The following TMTC2 variants were observed in gnomAD, a reference collection of about 807,000 sequenced individuals.
TMTC2 encodes transmembrane O-mannosyltransferase targeting cadherins 2, also known as protein O-mannosyl-transferase TMTC2.
A neutral mutation model predicts 82.4 loss-of-function variants in TMTC2; 43 were observed. The ratio of observed to expected loss-of-function variants is 0.52; its 90% CI spans 0.41 to 0.67. The LOEUF (loss-of-function observed/expected upper bound fraction) is 0.67. Ranked by LOEUF, TMTC2 falls within the 30% of genes least tolerant of loss-of-function variation. The probability of loss-of-function intolerance (pLI) is 0.00; values close to 1 mark genes in which losing one functional copy is unlikely to be tolerated. For synonymous variants in TMTC2, 408 were observed against 381.9 expected (o/e 1.07, Z -0.80); for missense variants, 919 against 1,012.4 (o/e 0.91, Z 1.25).
chr12:82,792,144 C>G (rs1415916978), intron 1 of TMTC2, among the ~76,000 whole-genome samples: 1 of 152,084 alleles, frequency 6.6e-6, no homozygotes, highest in Non-Finnish European at 1.5e-5. Context: ...GATGTGTCCA[C>G]TTTTGCTTGG....
chr12:83,031,317 T>G (rs770555698), intron 9 of TMTC2, among the ~76,000 whole-genome samples: 1 of 152,230 alleles, frequency 6.6e-6, no homozygotes, highest in Non-Finnish European at 1.5e-5. Context: ...AAGATATGGA[T>G]GTACACTAGC....
chr12:82,814,527 A>G (rs1256027386), intron 1 of TMTC2, among the ~76,000 whole-genome samples: 1 of 152,178 alleles, frequency 6.6e-6, no homozygotes. Flanking sequence ...AATGTTGAGC[A>G]TAGTCATCTC....
At chr12:82,801,830 C>T (rs1279598466) in intron 1 of TMTC2, among the ~76,000 whole-genome samples, 1 of 152,164 alleles carries the variant, frequency 6.6e-6, no homozygotes, top group Non-Finnish European at 1.5e-5. Context: ...CATTCACAAA[C>T]CCTGAGCTAG....
chr12:82,807,929 C>G (rs998913023), intron 1 of TMTC2, among the ~76,000 whole-genome samples: 2 of 151,860 alleles, frequency 1.3e-5, no homozygotes, highest in Non-Finnish European at 2.9e-5. Flanking sequence ...TTTGTAGCTA[C>G]CTAAAAATTA....
intron 9 of TMTC2, among the ~76,000 whole-genome samples, chr12:83,036,527 TA>T (rs1233605166): frequency 6.8e-6 from 1 of 147,666 alleles, no homozygotes; most frequent in African/African-American, 2.5e-5. Context: ...GAGGTAGGAA[TA>T]GATCCTAATT....
Position 82,848,674 on chromosome 12 carries a change from T to G in TMTC2, c.84-8336T>G, listed in dbSNP as rs117711723. 3.3e-5 allele frequency among the ~76,000 whole-genome samples: 5 copies of G among 152,258 alleles called. No individual in the cohort carries two copies. The East Asian group carries it at 9.6e-4, about 29-fold the overall frequency. ...TCAATAGAGACAGAAGAGGGAATGTTAAGATCACCTGTGTGCTATTTTCAA... is the reference window on the plus strand; with the variant it reads ...TCAATAGAGACAGAAGAGGGAATGTGAAGATCACCTGTGTGCTATTTTCAA... On this transcript the variant is annotated intron_variant, in intron 1 of 11. Transcript: ENST00000321196.
chr12:82,940,915 T>A (rs1355379510), intron 4 of TMTC2, among the ~76,000 whole-genome samples: 2 of 152,048 alleles, frequency 1.3e-5, no homozygotes, highest in African/African-American at 4.8e-5. Context: ...TGCCTCTTTA[T>A]ATAAAGGAAC....
intron 11 of TMTC2, among the ~76,000 whole-genome samples, chr12:83,089,656 T>C (rs960291385): frequency 1.3e-5 from 2 of 152,060 alleles, no homozygotes; most frequent in East Asian, 3.9e-4. Flanking sequence ...TGTACTAATT[T>C]TTAGAATATT....
In TMTC2 at chr12:82,828,834, A is replaced by G. The variant is rs558132239; in HGVS notation, c.84-28176A>G. Among the ~76,000 whole-genome samples, 20 of 152,234 alleles carry G rather than the reference A, an allele frequency of 1.3e-4. 1 individual carries two copies. In the South Asian group the frequency reaches 3.9e-3, roughly 30 times the overall value. ...TAATGTAATAAAAGGAAATTCAGGA[A>G]CTAATTATTTTCAGGGGCAATAACT... On this transcript the variant is annotated intron_variant, in intron 1 of 11. Transcript: ENST00000321196.
chr12:82,820,103 T>G (rs1026198843), intron 1 of TMTC2, among the ~76,000 whole-genome samples: 1 of 152,122 alleles, frequency 6.6e-6, no homozygotes, highest in Non-Finnish European at 1.5e-5. Context: ...GGGTGAGAGA[T>G]GTAGGCTGGG....
chr12:82,789,215 G>A (rs868665598), intron 1 of TMTC2, among the ~76,000 whole-genome samples: 2 of 152,046 alleles, frequency 1.3e-5, no homozygotes, highest in African/African-American at 4.8e-5. Context: ...TTCTAATCTT[G>A]TGAATTGCAG....
At chr12:82,937,786 A>ATATATATATATATATATATATG (rs1876455830) in intron 4 of TMTC2, among the ~76,000 whole-genome samples, 1 of 23,124 alleles carries the variant, frequency 4.3e-5, no homozygotes, top group Non-Finnish European at 9.9e-5. Flanking sequence ...ATATATATAT[A>ATATATATATATATATATATATG]TATATATATA....
At chr12:82,867,995 C>A (rs1434917948) in intron 2 of TMTC2, among the ~76,000 whole-genome samples, 2 of 152,190 alleles carry the variant, frequency 1.3e-5, no homozygotes, top group Non-Finnish European at 2.9e-5. Context: ...GAAACTCGGT[C>A]ATTTTCTAGC....
chr12:83,059,344 C>T (rs1882656789), intron 10 of TMTC2, among the ~76,000 whole-genome samples: 1 of 151,924 alleles, frequency 6.6e-6, no homozygotes, highest in South Asian at 2.1e-4. Flanking sequence ...GCATTGGACA[C>T]TTCCTCATGA....
intron 2 of TMTC2, among the ~76,000 whole-genome samples, chr12:82,870,966 T>A (rs1206782468): frequency 6.6e-6 from 1 of 152,210 alleles, no homozygotes; most frequent in Non-Finnish European, 1.5e-5. Context: ...CATTCTGCAG[T>A]ATAATCTTCT....
chr12:82,861,783 T>C (rs1871568280), intron 2 of TMTC2, among the ~76,000 whole-genome samples: 1 of 152,182 alleles, frequency 6.6e-6, no homozygotes, highest in African/African-American at 2.4e-5. Flanking sequence ...TATAAAATCT[T>C]CAGAAGTATG....
chr12:83,039,113 G>A (rs1881793321), intron 9 of TMTC2, among the ~76,000 whole-genome samples: 1 of 151,866 alleles, frequency 6.6e-6, no homozygotes, highest in Non-Finnish European at 1.5e-5. Flanking sequence ...TGTATTTTTA[G>A]TAGAGACAAG....
chr12:82,875,374 G>GCATATA (rs1032944879), intron 2 of TMTC2, among the ~76,000 whole-genome samples: 2 of 150,742 alleles, frequency 1.3e-5, no homozygotes, highest in African/African-American at 4.9e-5. Flanking sequence ...ATATATGTGT[G>GCATATA]TATATATATA....
intron 1 of TMTC2, among the ~76,000 whole-genome samples, chr12:82,742,803 C>T (rs909010864): frequency 2.6e-5 from 4 of 152,196 alleles, no homozygotes; most frequent in African/African-American, 7.2e-5. Context: ...GGATTACAGG[C>T]GTGAGCCTCC....
Sources: gnomAD v4.1 joint callset for allele counts (sites outside exome capture counted in the v4.1 genomes callset) on GRCh38, gnomAD v4.1.1 for gene constraint, MANE v1.5 for transcripts, NCBI Gene and HGNC (gene_info 2026-07-23, HGNC 2026-07-21) for gene names.